A1BG: variants seen among roughly 807,000 people sequenced by gnomAD.
A1BG encodes the protein alpha-1-B glycoprotein.
Under a neutral mutation model 46.0 loss-of-function variants are expected in A1BG, and 44 were observed. The observed-to-expected ratio is 0.96, with a 90% CI of 0.75 to 1.23. The LOEUF is 1.23. A1BG is among the 50% of genes most tolerant of loss of function. The probability of loss-of-function intolerance (pLI) is 0.00; values close to 1 mark genes in which losing one functional copy is unlikely to be tolerated. For synonymous variants in A1BG, 316 were observed against 314.7 expected, an observed-to-expected ratio of 1.00 and a Z score of -0.04; for missense variants, 707 against 688.8, an observed-to-expected ratio of 1.03 and a Z score of -0.30.
chr19:58,350,738 C>T, intron 5 of A1BG, 87 bp from the exon 6 acceptor site: 2 of 1,283,446 alleles, frequency 1.6e-6, no homozygotes, highest in African/African-American at 1.6e-5. Context: ...TTTGCCTTGG[C>T]TGAGTCTTCT....
chr19:58,347,676 GCCCCAGGCCACGCCCCAGGCCACA>G lies in A1BG; in HGVS notation c.1193-60_1193-37del, dbSNP rs778490538. 3.3e-4 allele frequency: 433 copies of G among 1,296,392 alleles called. 1 individual carries two copies. The highest frequency in any genetic ancestry group is 3.2e-3 in the East Asian group (98 of 30,820). 80.3% of individuals were successfully genotyped at this position (1,296,392 alleles called of 1,614,324 possible). A position where few individuals can be genotyped will look rare whatever the true frequency, so the allele number is the denominator to read the frequency against. On this transcript the variant is annotated intron_variant, in intron 6 of 7. Transcript: ENST00000263100. ...CGGGCGGGTGGTCGGGCCAGGCCAC[GCCCCAGGCCACGCCCCAGGCCACA>G]CCCCAGGCCACACCCCAGGCCGCGC...
Position 58,347,701 on chromosome 19 carries a change from C to CG in A1BG, c.1193-62_1193-61insC, listed in dbSNP as rs1282791998. The CG allele has an allele frequency of 1.1e-5, 5 of 437,056 alleles. No individual in the cohort carries two copies. The Admixed American group carries it at 1.9e-4, about 17-fold the overall frequency. 27.1% of individuals were successfully genotyped at this position (437,056 alleles called of 1,614,324 possible). On this transcript the variant is annotated intron_variant, in intron 6 of 7. Coordinates refer to ENST00000263100, the MANE Select transcript of A1BG (RefSeq NM_130786.4). ...GCCCCAGGCCACGCCCCAGGCCACA[C>CG]CCCAGGCCACACCCCAGGCCGCGCC...
Position 58,346,947 on chromosome 19 carries a change from C to T in A1BG, c.*75G>A. On this transcript the variant is annotated 3_prime_UTR_variant, in exon 8 of 8. Coordinates refer to ENST00000263100, the MANE Select transcript of A1BG (RefSeq NM_130786.4). ...CAGAGACCCCGGCCTTGTGCTGCAA[C>T]AGGAGGGGAGGGAGCCAGTCCAGAA... The T allele has an allele frequency of 6.5e-7, 1 of 1,540,868 alleles. No homozygotes were observed. Among genetic ancestry groups the T allele is most frequent in the Non-Finnish European group, 9.0e-7 (1 of 1,113,380 alleles).
At chr19:58,347,332 C>T in intron 7 of A1BG, 21 bp downstream of exon 7, 4 of 1,609,102 alleles carry the variant, frequency 2.5e-6, no homozygotes, top group Non-Finnish European at 3.4e-6. Context: ...AACCAGCACC[C>T]GGGACCCAGG....
chr19:58,350,582 G>A lies in A1BG; in HGVS notation c.980C>T (p.Ala327Val), dbSNP rs2051948738. The change falls in exon 6 of 8, where the codon GCG (alanine) becomes GTG (valine). Residue 327 changes from alanine (A) to valine (V), a missense_variant. Ala to Val is a moderately conservative substitution (Grantham distance 64, BLOSUM62 0). Transcript: ENST00000263100. The part of the protein sequence containing the change: ...SGRALRLRCL[A>V]PLEGARFALV... Reference sequence around the variant, plus strand: ...GGCGAAGCGCGCGCCCTCCAGGGGCGCCAGGCACCGCAGCCGCAAGGCCCT... The same window carrying A: ...GGCGAAGCGCGCGCCCTCCAGGGGCACCAGGCACCGCAGCCGCAAGGCCCT... 1.3e-6 allele frequency: 2 copies of A among 1,510,902 alleles called. No individual in the cohort carries two copies. Among genetic ancestry groups the A allele is most frequent in the Non-Finnish European group, 1.8e-6 (2 of 1,130,102 alleles). 93.6% of individuals were successfully genotyped at this position (1,510,902 alleles called of 1,614,324 possible). A position where few individuals can be genotyped will look rare whatever the true frequency, so the allele number is the denominator to read the frequency against.
In A1BG at chr19:58,353,135, C is replaced by T; in HGVS notation, c.133G>A (p.Val45Met). The change falls in exon 3 of 8, where the codon GTG becomes ATG. Residue 45 changes from valine (V) to methionine (M), a missense_variant. Val to Met is a conservative substitution (Grantham distance 21, BLOSUM62 1). Coordinates refer to ENST00000263100, the MANE Select transcript of A1BG (RefSeq NM_130786.4). ...SESLLKPLAN[V>M]TLTCQAHLET... ...AGGTGGGCCTGGCACGTCAGCGTCA[C>T]ATTGGCCAAGGGTTTCAGCAGTGAT... The T allele has an allele frequency of 6.2e-7, 1 of 1,614,164 alleles. No homozygotes were observed. Among genetic ancestry groups the T allele is most frequent in the South Asian group, 1.1e-5 (1 of 91,082 alleles).
At chr19:58,353,373 C>T (rs536941223) in intron 1 of A1BG, 31 bp downstream of exon 1, 1 of 1,611,758 alleles carries the variant, frequency 6.2e-7, no homozygotes, top group African/African-American at 1.3e-5. Context: ...CCCCCTCCCG[C>T]CCCAGGGACC....
In A1BG at chr19:58,346,009, A is replaced by G. The variant is rs1207707955; in HGVS notation, c.*1013T>C. On this transcript the variant is annotated 3_prime_UTR_variant, in exon 8 of 8. Transcript: ENST00000263100. ...ACTCAGAGCTGAGGGATAATGGGAA[A>G]GAACACAGAGGAATCCAGCCATTTC... 3 of 152,310 alleles carry G rather than the reference A, an allele frequency of 2.0e-5. No homozygotes were observed. Among genetic ancestry groups the G allele is most frequent in the Admixed American group, 6.5e-5 (1 of 15,292 alleles). The allele number at this position is 152,310 out of a possible 1,614,324, so 9.4% of individuals were successfully genotyped here. A position where few individuals can be genotyped will look rare whatever the true frequency, so the allele number is the denominator to read the frequency against.
intron 6 of A1BG, 118 bp downstream of exon 6, chr19:58,350,252 G>A (rs1022117251): frequency 3.9e-6 from 5 of 1,294,040 alleles, no homozygotes; most frequent in Non-Finnish European, 5.1e-6. Context: ...GTAGGCGATG[G>A]GGGCTGAACC....
At chr19:58,349,569 TGAACCCA>T (rs2051938680) in intron 6 of A1BG, 1 of 151,418 alleles carries the variant, frequency 6.6e-6, no homozygotes, top group Non-Finnish European at 1.5e-5. Context: ...GAGAACTGCC[TGAACCCA>T]GAAGGCGAAA....
chr19:58,349,652 A>AAAAAAAAAAC (rs1162659062), intron 6 of A1BG: 62 of 151,810 alleles, frequency 4.1e-4, no homozygotes, highest in African/African-American at 1.4e-3. Context: ...GTTATCCAAA[A>AAAAAAAAAAC]AAAAAACAAA....
At position 58,350,357 on chromosome 19, in the gene A1BG, C is replaced by T. The variant is rs1600504206; in HGVS notation, c.1192+13G>A. 1 of 1,530,468 alleles carries T rather than the reference C, an allele frequency of 6.5e-7. No individual in the cohort carries two copies. Among genetic ancestry groups the T allele is most frequent in the South Asian group, 1.2e-5 (1 of 82,692 alleles). 94.8% of individuals were successfully genotyped at this position (1,530,468 alleles called of 1,614,324 possible). A position where few individuals can be genotyped will look rare whatever the true frequency, so the allele number is the denominator to read the frequency against. ...AACCCGCGCCCGCCCTCGCTGGTGC[C>T]CCGCCAGCTCACCGTCCACGTGCAG... is the stretch of plus-strand genomic sequence containing the variant. On this transcript the variant is annotated intron_variant, in intron 6 of 7. Transcript: ENST00000263100.
chr19:58,348,881 G>A (rs879914921), intron 6 of A1BG: 66 of 152,424 alleles, frequency 4.3e-4, no homozygotes, highest in African/African-American at 1.5e-3. Context: ...AGGAGAGTAG[G>A]ACATCATACT....
chr19:58,351,144 G>GA lies in A1BG; in HGVS notation c.910+246dup, dbSNP rs1600504919. On this transcript the variant is annotated intron_variant, in intron 5 of 7. Transcript: ENST00000263100. ...CACCTAGACCTGGCAGCTGGGATGG[G>GA]ACCTGCCAGGTGGTGCCCCCTGTGG... 5.1e-6 allele frequency: 3 copies of GA among 588,046 alleles called. No homozygotes were observed. In the East Asian group the frequency reaches 8.6e-5, roughly 17 times the overall value. 36.4% of individuals were successfully genotyped at this position (588,046 alleles called of 1,614,324 possible).
Position 58,347,541 on chromosome 19 carries a change from G to A in A1BG, c.1292C>T (p.Thr431Ile). 6.4e-7 allele frequency: 1 copy of A among 1,573,050 alleles called. No individual in the cohort carries two copies. The highest frequency in any genetic ancestry group is 8.6e-7 in the Non-Finnish European group (1 of 1,161,408). ...LRCEGPIPDV[T>I]FELLREGETK... The stretch of plus-strand genomic sequence containing the variant: ...CTCGCCCTCGCGCAGCAGCTCGAAG[G>A]TGACGTCGGGGATGGGTCCCTCGCA... The change falls in exon 7 of 8, where the codon ACC becomes ATC. Residue 431 changes from threonine to isoleucine, a missense_variant. Coordinates refer to ENST00000263100, the MANE Select transcript of A1BG (RefSeq NM_130786.4).
Position 58,350,352 on chromosome 19 carries a change from G to A in A1BG, c.1192+18C>T. On this transcript the variant is annotated intron_variant, in intron 6 of 7. Transcript: ENST00000263100. ...CACTGAACCCGCGCCCGCCCTCGCT[G>A]GTGCCCCGCCAGCTCACCGTCCACG... 2.0e-6 allele frequency: 3 copies of A among 1,526,782 alleles called. No homozygotes were observed. The highest frequency in any genetic ancestry group is 2.6e-6 in the Non-Finnish European group (3 of 1,132,280). The allele number at this position is 1,526,782 out of a possible 1,614,324, so 94.6% of individuals were successfully genotyped here.
Position 58,346,754 on chromosome 19 carries a change from G to A in A1BG, c.*268C>T, listed in dbSNP as rs1012551906. 1.7e-6 allele frequency: 1 copy of A among 582,518 alleles called. No homozygotes were observed. Among genetic ancestry groups the A allele is most frequent in the African/African-American group, 1.9e-5 (1 of 52,858 alleles). The allele number at this position is 582,518 out of a possible 1,614,324, so 36.1% of individuals were successfully genotyped here. On this transcript the variant is annotated 3_prime_UTR_variant, in exon 8 of 8. Transcript: ENST00000263100. The stretch of plus-strand genomic sequence containing the variant: ...AAAGAAAAGAAAACTGTGCTCTTAA[G>A]AGCCAGTTCTCCACTCCTCTACCTC...
Position 58,353,295 on chromosome 19 carries a change from T to C in A1BG, c.67A>G (p.Ile23Val), listed in dbSNP as rs774245766. Residue 23 changes from isoleucine (I) to valine (V), a missense_variant, in exon 2 of 8, where the codon ATA (isoleucine) becomes GTA (valine). By Grantham distance (29) the Ile-to-Val change is conservative. Transcript: ENST00000263100. Reference sequence around the variant, plus strand: ...CAGACCTCACCCCTGCACTCACATATGGCTGCTTCTGTCACTGGGCCCCAG... The same window carrying C: ...CAGACCTCACCCCTGCACTCACATACGGCTGCTTCTGTCACTGGGCCCCAG... ...VTWGPVTEAA[I>V]FYETQPSLWA... is the part of the protein sequence containing the mutation. 1.1e-4 allele frequency: 185 copies of C among 1,613,256 alleles called. No homozygotes were observed. Among genetic ancestry groups the C allele is most frequent in the Non-Finnish European group, 1.5e-4 (175 of 1,179,852 alleles).
intron 5 of A1BG, 165 bp from the exon 6 acceptor site, chr19:58,350,816 C>T (rs1160092141): frequency 3.4e-6 from 2 of 595,740 alleles, no homozygotes; most frequent in Non-Finnish European, 5.2e-6. Context: ...GCATCCCAGT[C>T]CTTGGATATC....
Sources: allele counts gnomAD v4.1 joint callset, GRCh38; gene constraint gnomAD v4.1.1; transcripts MANE v1.5; gene names NCBI Gene and HGNC (gene_info 2026-07-23, HGNC 2026-07-21).